Variants in ZIC5 observed in about 807,000 individuals in gnomAD.
ZIC5 encodes Zic family zinc finger 5.
ZIC5 carries 20 observed loss-of-function variants against 28.5 expected under a neutral mutation model. The ratio of observed to expected loss-of-function variants is 0.70; its 90% CI spans 0.49 to 1.02. The LOEUF is 1.02. ZIC5 is among the 50% of genes least tolerant of loss of function. The pLI is 0.00. For missense variants in ZIC5, 951 were observed against 899.7 expected (o/e 1.06, Z -0.73); for synonymous variants, 488 against 410.4 (o/e 1.19, Z -2.29).
Position 99,970,324 on chromosome 13 carries a change from C to A in ZIC5, c.1280G>T (p.Gly427Val), listed in dbSNP as rs1393695843. Residue 427 changes from glycine (G) to valine (V), a missense_variant, in exon 1 of 2, where the codon GGA (glycine) becomes GTA (valine). This residue lies in a region of ZIC5 where 784 missense variants were observed against 660.1 expected (regional missense o/e 1.19). Transcript: ENST00000267294. ...LVNHVTVEHV[G>V]GPEQSSHVCF... ...GACGTGGCTGCTCTGCTCGGGGCCT[C>A]CCACGTGCTCCACCGTGACGTGATT... 3.7e-6 allele frequency: 6 copies of A among 1,612,058 alleles called. No individual in the cohort carries two copies. The highest frequency in any genetic ancestry group is 5.1e-6 in the Non-Finnish European group (6 of 1,179,552).
intron 1 of ZIC5, among the ~76,000 whole-genome samples, chr13:99,966,116 C>T (rs1435087668): frequency 6.6e-6 from 1 of 152,096 alleles, no homozygotes; most frequent in Non-Finnish European, 1.5e-5. Flanking sequence ...AACACTGAAA[C>T]CCACCTGGGA....
At chr13:99,965,861 A>T (rs1163882579) in intron 1 of ZIC5, 42 bp from the exon 2 acceptor site, 1 of 1,562,110 alleles carries the variant, frequency 6.4e-7, no homozygotes. Flanking sequence ...GCTTTCCAAG[A>T]CCCCTCTCTT....
chr13:99,971,197 G>C lies in ZIC5; in HGVS notation c.407C>G (p.Thr136Ser). ...PPPPAPPLPP[T>S]PSPPPPPPPP... Reference sequence around the variant, plus strand: ...CGGGGGAGGGGGAGGGGGTGAAGGGGTGGGAGGAAGAGGAGGGGCTGGGGG... The same window carrying C: ...CGGGGGAGGGGGAGGGGGTGAAGGGCTGGGAGGAAGAGGAGGGGCTGGGGG... The change falls in exon 1 of 2, where the codon ACC (threonine) becomes AGC (serine). Residue 136 changes from threonine to serine, a missense_variant. Around this residue, in one of 3 missense-constraint regions of ZIC5, gnomAD observed 784 missense variants for 660.1 expected, o/e 1.19. Transcript: ENST00000267294. 2 of 1,301,670 alleles carry C rather than the reference G, an allele frequency of 1.5e-6. No homozygotes were observed. The highest frequency in any genetic ancestry group is 8.3e-5 in the Admixed American group (2 of 24,012). The allele number at this position is 1,301,670 out of a possible 1,614,324, so 80.6% of individuals were successfully genotyped here. A position where few individuals can be genotyped will look rare whatever the true frequency, so the allele number is the denominator to read the frequency against.
chr13:99,970,495 T>C lies in ZIC5; in HGVS notation c.1109A>G (p.Gln370Arg). The C allele has an allele frequency of 8.8e-7, 1 of 1,130,132 alleles. No homozygotes were observed. The highest frequency in any genetic ancestry group is 1.1e-6 in the Non-Finnish European group (1 of 915,064). 70.0% of individuals were successfully genotyped at this position (1,130,132 alleles called of 1,614,324 possible). The change falls in exon 1 of 2, where the codon CAG becomes CGG. Residue 370 changes from glutamine to arginine, a missense_variant. Transcript: ENST00000267294. ...GTCGATCCACTTGCAGATGAGCTCC[T>C]GCTTGATTGGCTGCCGCATGTAGCG... ...FLRYMRQPIKQELICKWIDPD... is the reference protein window; with the variant it reads ...FLRYMRQPIKRELICKWIDPD...
chr13:99,970,861 C>T lies in ZIC5; in HGVS notation c.743G>A (p.Gly248Asp), dbSNP rs1329920390. 4 of 1,260,682 alleles carry T rather than the reference C, an allele frequency of 3.2e-6. No individual in the cohort carries two copies. The highest frequency in any genetic ancestry group is 6.7e-5 in the East Asian group (2 of 29,956). The allele number at this position is 1,260,682 out of a possible 1,614,324, so 78.1% of individuals were successfully genotyped here. Reference protein sequence around the residue: ...ALHDTPGAPGGHPHPLNGQMR... With the variant: ...ALHDTPGAPGDHPHPLNGQMR... ...CTGGCCGTTGAGCGGGTGCGGGTGG[C>T]CGCCTGGGGCCCCCGGCGTGTCGTG... Residue 248 changes from glycine (G) to aspartate (D), a missense_variant, in exon 1 of 2, where the codon GGC becomes GAC. By Grantham distance (94) the Gly-to-Asp change is moderately conservative. This residue lies in a region of ZIC5 where 784 missense variants were observed against 660.1 expected (regional missense o/e 1.19). Transcript: ENST00000267294.
intron 1 of ZIC5, among the ~76,000 whole-genome samples, chr13:99,968,506 C>T (rs1046732764): frequency 5.9e-5 from 9 of 152,086 alleles, no homozygotes; most frequent in African/African-American, 1.7e-4. Context: ...CGTGGCCTGT[C>T]CCGCCGGGGG....
chr13:99,965,290 TTGTC>T lies in ZIC5; in HGVS notation c.*83_*86del. The T allele has an allele frequency of 7.6e-7, 1 of 1,317,094 alleles. No homozygotes were observed. Among genetic ancestry groups the T allele is most frequent in the Non-Finnish European group, 1.0e-6 (1 of 967,480 alleles). 81.6% of individuals were successfully genotyped at this position (1,317,094 alleles called of 1,614,324 possible). A position where few individuals can be genotyped will look rare whatever the true frequency, so the allele number is the denominator to read the frequency against. On this transcript the variant is annotated 3_prime_UTR_variant, in exon 2 of 2. Transcript: ENST00000267294. The stretch of plus-strand genomic sequence containing the variant: ...CCGGTGGCAAGTCTGAGTCACGGGT[TTGTC>T]TCAGGCTCGGCATTGTCTCAGGTTA...
upstream of ZIC5, chr13:99,971,818 G>A (rs1278071204): frequency 6.1e-5 from 67 of 1,103,136 alleles, no homozygotes; most frequent in Middle Eastern, 4.3e-4. Context: ...GAAATGGCAC[G>A]GGTGGGATTG....
rs2053150968 is a variant in ZIC5 at position 99,970,944 on chromosome 13, G to A, written c.660C>T (p.Ala220=). The change falls in exon 1 of 2, where the codon GCC becomes GCT. Residue 220 remains alanine, a synonymous_variant. Coordinates refer to ENST00000267294, the MANE Select transcript of ZIC5 (RefSeq NM_033132.5). ...CGTCCGGGCCCGCGTAGGTGCCGCT[G>A]GCGGAGATGAACATGCCGGCCGAGT... ...PPHSAGMFIS[A]SGTYAGPDGS... 1 of 1,394,658 alleles carries A rather than the reference G, an allele frequency of 7.2e-7. No individual in the cohort carries two copies. The highest frequency in any genetic ancestry group is 3.1e-5 in the East Asian group (1 of 32,456). The allele number at this position is 1,394,658 out of a possible 1,614,324, so 86.4% of individuals were successfully genotyped here. A position where few individuals can be genotyped will look rare whatever the true frequency, so the allele number is the denominator to read the frequency against.
Position 99,970,650 on chromosome 13 carries a change from T to G in ZIC5, c.954A>C (p.Ala318=). 8.8e-7 allele frequency: 1 copy of G among 1,138,038 alleles called. No homozygotes were observed. The highest frequency in any genetic ancestry group is 1.1e-6 in the Non-Finnish European group (1 of 922,698). The allele number at this position is 1,138,038 out of a possible 1,614,324, so 70.5% of individuals were successfully genotyped here. A position where few individuals can be genotyped will look rare whatever the true frequency, so the allele number is the denominator to read the frequency against. Residue 318 remains alanine (A), a synonymous_variant, in exon 1 of 2, where the codon GCA becomes GCC. Coordinates refer to ENST00000267294, the MANE Select transcript of ZIC5 (RefSeq NM_033132.5). ...GGTGGGGCCCGGGCCCGGCCGCTGC[T>G]GCGGCCGCCGCAGCCGCCAGGTTCA... The part of the protein sequence containing the change: ...LNLNLAAAAA[A]AAAGPGPHLQ...
Position 99,964,368 on chromosome 13 carries a change from C to T in ZIC5, c.*1009G>A, listed in dbSNP as rs2053080248. The stretch of plus-strand genomic sequence containing the variant: ...AAAAATAGGCATGATGCCATCATCA[C>T]ACCTCCTCAAGACTTGACTGTGAAT... On this transcript the variant is annotated 3_prime_UTR_variant, in exon 2 of 2. Transcript: ENST00000267294. 1 of 152,178 alleles carries T rather than the reference C, an allele frequency of 6.6e-6. No individual in the cohort carries two copies. The highest frequency in any genetic ancestry group is 6.5e-5 in the Admixed American group (1 of 15,282). The allele number at this position is 152,178 out of a possible 1,614,324, so 9.4% of individuals were successfully genotyped here. A position where few individuals can be genotyped will look rare whatever the true frequency, so the allele number is the denominator to read the frequency against.
rs1193200368 is a variant in ZIC5, at chr13:99,965,976, T to C, written c.1478-157A>G. Reference sequence around the variant, plus strand: ...TAATTCACAAAAGGGAAGGGATGCTTCAGGGATGGGCCTGGATTCTGCTGA... The same window carrying C: ...TAATTCACAAAAGGGAAGGGATGCTCCAGGGATGGGCCTGGATTCTGCTGA... On this transcript the variant is annotated intron_variant, in intron 1 of 1. Transcript: ENST00000267294. 2.6e-5 allele frequency among the ~76,000 whole-genome samples: 4 copies of C among 152,264 alleles called. No homozygotes were observed. In the East Asian group the frequency reaches 5.8e-4, roughly 22 times the overall value.
chr13:99,970,466 C>A lies in ZIC5; in HGVS notation c.1138G>T (p.Asp380Tyr). The A allele has an allele frequency of 9.1e-7, 1 of 1,102,736 alleles. No individual in the cohort carries two copies. Among genetic ancestry groups the A allele is most frequent in the East Asian group, 7.3e-5 (1 of 13,676 alleles). 68.3% of individuals were successfully genotyped at this position (1,102,736 alleles called of 1,614,324 possible). ...GGCGGCGGCAGCCCGGCCAGCTCGT[C>A]GGGGTCGATCCACTTGCAGATGAGC... ...QELICKWIDP[D>Y]ELAGLPPPPP... is the part of the protein sequence containing the mutation. The change falls in exon 1 of 2, where the codon GAC becomes TAC. Residue 380 changes from aspartate (D) to tyrosine (Y), a missense_variant. By Grantham distance (160) the Asp-to-Tyr change is radical. This residue lies in a region of ZIC5 where 784 missense variants were observed against 660.1 expected (regional missense o/e 1.19). Coordinates refer to ENST00000267294, the MANE Select transcript of ZIC5 (RefSeq NM_033132.5).
In ZIC5 at chr13:99,970,707, G is replaced by GGCGGCCGCCGCT; in HGVS notation, c.885_896dup (p.Ala296_Ala299dup). 2.5e-6 allele frequency: 3 copies of GGCGGCCGCCGCT among 1,185,654 alleles called. No homozygotes were observed. The highest frequency in any genetic ancestry group is 3.1e-6 in the Non-Finnish European group (3 of 954,662). The allele number at this position is 1,185,654 out of a possible 1,614,324, so 73.4% of individuals were successfully genotyped here. A position where few individuals can be genotyped will look rare whatever the true frequency, so the allele number is the denominator to read the frequency against. ...AGTTCACGGCTCCGTAGCCGTGCAG[G>GGCGGCCGCCGCT]GCGGCCGCCGCTGCGGCCGCAACCG... is the stretch of plus-strand genomic sequence containing the variant. On this transcript the variant is annotated inframe_insertion, in exon 1 of 2. Transcript: ENST00000267294.
intron 1 of ZIC5, among the ~76,000 whole-genome samples, chr13:99,967,226 A>G (rs866332015): frequency 9.2e-5 from 14 of 152,250 alleles, no homozygotes; most frequent in African/African-American, 3.4e-4. Context: ...CTTCCATGGC[A>G]GAGTATGCTA....
At position 99,970,389 on chromosome 13, in the gene ZIC5, C is replaced by T. The variant is rs756126881; in HGVS notation, c.1215G>A (p.Lys405=). The part of the protein sequence containing the change: ...PPPPPPAGGA[K]PCSKTFGTMH... ...TGGTGCCGAAAGTTTTGGAGCAGGGCTTGGCGCCGCCGGCCGGGGGCGGTG... is the reference window on the plus strand; with the variant it reads ...TGGTGCCGAAAGTTTTGGAGCAGGGTTTGGCGCCGCCGGCCGGGGGCGGTG... Residue 405 remains lysine, a synonymous_variant, in exon 1 of 2, where the codon AAG becomes AAA. Transcript: ENST00000267294. 1.3e-5 allele frequency: 17 copies of T among 1,342,644 alleles called. No homozygotes were observed. The South Asian group carries it at 3.6e-4, about 28-fold the overall frequency. 83.2% of individuals were successfully genotyped at this position (1,342,644 alleles called of 1,614,324 possible). A position where few individuals can be genotyped will look rare whatever the true frequency, so the allele number is the denominator to read the frequency against.
chr13:99,970,150 T>A lies in ZIC5; in HGVS notation c.1454A>T (p.Lys485Met), dbSNP rs754364947. 3.1e-6 allele frequency: 5 copies of A among 1,607,002 alleles called. No individual in the cohort carries two copies. The change falls in exon 1 of 2, where the codon AAG (lysine) becomes ATG (methionine). Residue 485 changes from lysine to methionine, a missense_variant. Around this residue, in one of 3 missense-constraint regions of ZIC5, gnomAD observed 59 missense variants for 121.2 expected, o/e 0.49. Coordinates refer to ENST00000267294, the MANE Select transcript of ZIC5 (RefSeq NM_033132.5). The part of the protein sequence containing the change: ...GKVFARSENL[K>M]IHKRTHTGEK... The stretch of plus-strand genomic sequence containing the variant: ...ACCTGTATGAGTACGCTTGTGGATC[T>A]TGAGGTTCTCGGAGCGCGCGAAGAC...
At position 99,970,632 on chromosome 13, in the gene ZIC5, C is replaced by A. The variant is rs2053146348; in HGVS notation, c.972G>T (p.Gly324=). ...AAAAAAAAGP[G]PHLQHHAPPP... is the part of the protein sequence containing the mutation. ...GCGGCGCGTGGTGCTGCAGGTGGGG[C>A]CCGGGCCCGGCCGCTGCTGCGGCCG... The change falls in exon 1 of 2, where the codon GGG becomes GGT. Residue 324 remains glycine, a synonymous_variant. Transcript: ENST00000267294. 4 of 1,096,644 alleles carry A rather than the reference C, an allele frequency of 3.6e-6. No homozygotes were observed. In the African/African-American group the frequency reaches 5.2e-5, roughly 14 times the overall value. 67.9% of individuals were successfully genotyped at this position (1,096,644 alleles called of 1,614,324 possible). A position where few individuals can be genotyped will look rare whatever the true frequency, so the allele number is the denominator to read the frequency against.
At position 99,971,763 on chromosome 13, in the gene ZIC5, A is replaced by G. The variant is rs1455033733; in HGVS notation, c.-160T>C. On this transcript the variant is annotated 5_prime_UTR_variant, in exon 1 of 2. Transcript: ENST00000267294. ...CCCACTCTATCCTCCAGCGATTGGC[A>G]GAGTGAACACCACATTTGAGCTGCA... 29 of 1,503,326 alleles carry G rather than the reference A, an allele frequency of 1.9e-5. No individual in the cohort carries two copies. Among genetic ancestry groups the G allele is most frequent in the Non-Finnish European group, 2.5e-5 (28 of 1,106,604 alleles). The allele number at this position is 1,503,326 out of a possible 1,614,324, so 93.1% of individuals were successfully genotyped here. A position where few individuals can be genotyped will look rare whatever the true frequency, so the allele number is the denominator to read the frequency against.
Sources: allele counts gnomAD v4.1 joint callset (sites outside exome capture counted in the v4.1 genomes callset), GRCh38; gene constraint gnomAD v4.1.1; regional missense constraint gnomAD v4.1.1; transcripts MANE v1.5; gene names NCBI Gene and HGNC (gene_info 2026-07-23, HGNC 2026-07-21).